STK32A: variants seen among roughly 807,000 people sequenced by gnomAD.
STK32A encodes the protein serine/threonine kinase 32A, also known as serine/threonine-protein kinase 32A.
In STK32A, 41 loss-of-function variants were observed where a neutral mutation model predicts 53.2. That is an observed-to-expected ratio of 0.77 (90% confidence interval 0.60 to 1.00). The LOEUF (loss-of-function observed/expected upper bound fraction) is 1.00, where lower values mean the gene tolerates loss of function less well. Ranked by LOEUF, STK32A falls within the 50% of genes least tolerant of loss-of-function variation. The probability of loss-of-function intolerance (pLI) is 0.00; values close to 1 mark genes in which losing one functional copy is unlikely to be tolerated. For synonymous variants in STK32A, 166 were observed against 162.8 expected (o/e 1.02, Z -0.15); for missense variants, 458 against 485.8 (o/e 0.94, Z 0.54).
chr5:147,365,587 T>G (rs1212307795), intron 8 of STK32A, among the ~76,000 whole-genome samples: 1 of 152,060 alleles, frequency 6.6e-6, no homozygotes, highest in Non-Finnish European at 1.5e-5. Flanking sequence ...ATACACTTAC[T>G]TAAAAGTAGA....
intron 5 of STK32A, among the ~76,000 whole-genome samples, chr5:147,329,647 G>GCACACA (rs10660806): frequency 2.0e-5 from 3 of 151,518 alleles, no homozygotes; most frequent in African/African-American, 7.3e-5. Flanking sequence ...GTGCACGCAC[G>GCACACA]CACACACACA....
At chr5:147,378,924 T>C (rs1757344805) in intron 11 of STK32A, among the ~76,000 whole-genome samples, 1 of 131,752 alleles carries the variant, frequency 7.6e-6, no homozygotes, top group African/African-American at 2.8e-5. Context: ...TTTGGTTCCA[T>C]ATACATTTGA....
chr5:147,360,350 C>T (rs1756442019), intron 7 of STK32A, among the ~76,000 whole-genome samples: 1 of 150,096 alleles, frequency 6.7e-6, no homozygotes, highest in Middle Eastern at 3.2e-3. Context: ...ACTTGGGAGG[C>T]CAAGGTTGGA....
intron 8 of STK32A, among the ~76,000 whole-genome samples, chr5:147,369,114 G>T (rs906760493): frequency 2.6e-5 from 4 of 152,034 alleles, no homozygotes; most frequent in Non-Finnish European, 5.9e-5. Flanking sequence ...TACTGATATT[G>T]AGTTAATGAG....
At chr5:147,383,609 C>A (rs1222607920) in intron 12 of STK32A, 104 bp downstream of exon 12, 16 of 1,038,170 alleles carry the variant, frequency 1.5e-5, no homozygotes, top group Non-Finnish European at 2.2e-5. Flanking sequence ...AAATTATTTT[C>A]TAATTGGGAA....
At chr5:147,394,392 A>G in the STK32A span, among the ~76,000 whole-genome samples, 1 of 152,198 alleles carries the variant, frequency 6.6e-6, no homozygotes, top group African/African-American at 2.4e-5. Flanking sequence ...AAGAAGAACA[A>G]TGACAAAGAC....
At chr5:147,271,545 A>G (rs1336583992) in intron 2 of STK32A, among the ~76,000 whole-genome samples, 7 of 152,202 alleles carry the variant, frequency 4.6e-5, no homozygotes, top group Admixed American at 1.3e-4. Context: ...GAACAGAGCG[A>G]TATTTCTCTT....
At chr5:147,276,210 T>C (rs1437031095) in intron 2 of STK32A, among the ~76,000 whole-genome samples, 2 of 152,170 alleles carry the variant, frequency 1.3e-5, no homozygotes, top group African/African-American at 4.8e-5. Context: ...GAAGTGTTTT[T>C]AAAATTATTC....
In STK32A at chr5:147,275,648, A is replaced by G. The variant is rs1270585815; in HGVS notation, c.53-2476A>G. On this transcript the variant is annotated intron_variant, in intron 2 of 12. Transcript: ENST00000397936. ...CTCTTATAGTCACTTTTAATCTATC[A>G]TTGGCTTTCCCATTAGATTGTACTG... 3.3e-5 allele frequency among the ~76,000 whole-genome samples: 5 copies of G among 152,246 alleles called. No homozygotes were observed. The East Asian group carries it at 9.7e-4, about 29-fold the overall frequency.
chr5:147,285,620 T>C (rs1396750871), intron 4 of STK32A, among the ~76,000 whole-genome samples: 1 of 152,006 alleles, frequency 6.6e-6, no homozygotes, highest in East Asian at 1.9e-4. Context: ...TATCAAAAAG[T>C]GGGCTAAGGA....
At chr5:147,240,549 A>G (rs1455564651) in intron 2 of STK32A, among the ~76,000 whole-genome samples, 2 of 152,188 alleles carry the variant, frequency 1.3e-5, no homozygotes, top group African/African-American at 4.8e-5. Flanking sequence ...TACTGACTCT[A>G]TCTTCAATTT....
At chr5:147,361,402 C>T in intron 7 of STK32A, 115 bp from the exon 8 acceptor site, 14 of 742,422 alleles carry the variant, frequency 1.9e-5, no homozygotes, top group Non-Finnish European at 3.1e-5. Flanking sequence ...GATAAACATC[C>T]ATAAAAGTGT....
At chr5:147,260,176 T>TC (rs1358119631) in intron 2 of STK32A, among the ~76,000 whole-genome samples, 2 of 12,618 alleles carry the variant, frequency 1.6e-4, no homozygotes, top group African/African-American at 7.0e-4. Context: ...TCTCTCTCTC[T>TC]CTCCTCTCTC....
intron 4 of STK32A, among the ~76,000 whole-genome samples, chr5:147,293,689 CA>C (rs1437865099): frequency 6.6e-6 from 1 of 151,914 alleles, no homozygotes; most frequent in Non-Finnish European, 1.5e-5. Context: ...ACTGCGTTCC[CA>C]ATCAAGAGAC....
intron 4 of STK32A, among the ~76,000 whole-genome samples, chr5:147,320,446 TTGATTC>T (rs1229435144): frequency 4.8e-5 from 1 of 20,654 alleles, no homozygotes; most frequent in Admixed American, 9.7e-4. Flanking sequence ...CTTTCTTTCT[TTGATTC>T]ATTGATTATG....
intron 2 of STK32A, among the ~76,000 whole-genome samples, chr5:147,272,635 T>TTAA (rs140354028): frequency 0.66 from 99,446 of 151,716 alleles, 32,965 homozygotes; most frequent in African/African-American, 0.75. Flanking sequence ...CAAGGATTTG[T>TTAA]TAATGGTTGC....
At chr5:147,364,915 G>A (rs1756678675) in intron 8 of STK32A, among the ~76,000 whole-genome samples, 1 of 152,084 alleles carries the variant, frequency 6.6e-6, no homozygotes, top group Non-Finnish European at 1.5e-5. Context: ...TCCCAGTGAT[G>A]GATGCAATCA....
intron 4 of STK32A, among the ~76,000 whole-genome samples, chr5:147,321,594 C>T (rs1754324546): frequency 6.6e-6 from 1 of 152,226 alleles, no homozygotes. Context: ...GCCACATTGG[C>T]ACCTTTATCA....
At chr5:147,332,730 G>A (rs976371326) in intron 5 of STK32A, among the ~76,000 whole-genome samples, 2 of 152,062 alleles carry the variant, frequency 1.3e-5, no homozygotes, top group Admixed American at 6.6e-5. Context: ...AAAACAAAAC[G>A]GCAGTGCAGT....
Sources: allele counts gnomAD v4.1 joint callset (sites outside exome capture counted in the v4.1 genomes callset), GRCh38; gene constraint gnomAD v4.1.1; transcripts MANE v1.5; gene names NCBI Gene and HGNC (gene_info 2026-07-23, HGNC 2026-07-21).